The following TLR10 variants were observed in gnomAD, a reference collection of about 807,000 sequenced individuals.
The protein encoded by TLR10 is toll-like receptor 10.
For synonymous variants in TLR10, 288 were observed against 338.8 expected, an observed-to-expected ratio of 0.85 and a Z score of 1.65; for missense variants, 929 against 932.9, an observed-to-expected ratio of 1.00 and a Z score of 0.05.
chr4:38,776,605 T>G (rs1222696546), intron 1 of TLR10, among the ~76,000 whole-genome samples, 179 bp from the exon 2 acceptor site: 1 of 152,212 alleles, frequency 6.6e-6, no homozygotes, highest in East Asian at 1.9e-4. Flanking sequence ...CTTTGGGAGA[T>G]GTGCCAGGCT....
rs1273945897 is a variant in TLR10 at position 38,773,165 on chromosome 4, T to C, written c.2426A>G (p.Asp809Gly). 14 of 1,527,702 alleles carry C rather than the reference T, an allele frequency of 9.2e-6. No individual in the cohort carries two copies. Among genetic ancestry groups the C allele is most frequent in the Middle Eastern group, 1.8e-4 (1 of 5,666 alleles). The allele number at this position is 1,527,702 out of a possible 1,614,324, so 94.6% of individuals were successfully genotyped here. A position where few individuals can be genotyped will look rare whatever the true frequency, so the allele number is the denominator to read the frequency against. The change falls in exon 4 of 4, where the codon GAT becomes GGT. Residue 809 changes from aspartate to glycine, a missense_variant. Physicochemically the swap from Asp to Gly is moderately conservative, Grantham distance 94 (BLOSUM62 -1). Coordinates refer to ENST00000308973, the MANE Select transcript of TLR10 (RefSeq NM_030956.4). ...RGSTISLMRT[D>G]CL ...AAGGACTGTGGGATTTTATAGACAATCTGTTCTCATCAGAGAGATTGTAGA... is the reference window on the plus strand; with the variant it reads ...AAGGACTGTGGGATTTTATAGACAACCTGTTCTCATCAGAGAGATTGTAGA...
In TLR10 at chr4:38,773,211, A is replaced by G; in HGVS notation, c.2380T>C (p.Leu794=). 6.3e-7 allele frequency: 1 copy of G among 1,575,368 alleles called. No homozygotes were observed. Among genetic ancestry groups the G allele is most frequent in the Non-Finnish European group, 8.6e-7 (1 of 1,165,130 alleles). The change falls in exon 4 of 4, where the codon TTA becomes CTA. Residue 794 remains leucine, a synonymous_variant. Coordinates refer to ENST00000308973, the MANE Select transcript of TLR10 (RefSeq NM_030956.4). ...GTAGAACCTCGAGACTCTTCATTTAACTCTGTGAATGTCTGCAGTTCATAC... is the reference window on the plus strand; with the variant it reads ...GTAGAACCTCGAGACTCTTCATTTAGCTCTGTGAATGTCTGCAGTTCATAC... ...EMYELQTFTE[L]NEESRGSTIS... is the part of the protein sequence containing the mutation.
Position 38,774,470 on chromosome 4 carries a change from A to T in TLR10, c.1121T>A (p.Leu374Ter). The T allele has an allele frequency of 2.5e-6, 4 of 1,606,014 alleles. No homozygotes were observed. The highest frequency in any genetic ancestry group is 3.4e-6 in the Non-Finnish European group (4 of 1,177,842). ...LFKRTIQLPH[L>*]KTLILNGNKL... The stretch of plus-strand genomic sequence containing the variant: ...ATTGCCATTCAAAATGAGAGTTTTC[A>T]AGTGAGGCAGTTGGATAGTTCTTTT... The change falls in exon 4 of 4, where the codon TTG becomes TAG. Residue 374 changes from leucine to a stop codon, truncating the protein, a stop_gained. Transcript: ENST00000308973. LOFTEE classifies it low-confidence loss of function (END_TRUNC).
At position 38,774,294 on chromosome 4, in the gene TLR10, A is replaced by G. The variant is rs192294668; in HGVS notation, c.1297T>C (p.Leu433=). Reference sequence around the variant, plus strand: ...AAGCACCTGAAGACAGAATCAGACAATTTATTGTATGACAGATTCATATTG... The same window carrying G: ...AAGCACCTGAAGACAGAATCAGACAGTTTATTGTATGACAGATTCATATTG... ...VVNMNLSYNK[L]SDSVFRCLPK... is the part of the protein sequence containing the mutation. Residue 433 remains leucine (L), a synonymous_variant, in exon 4 of 4, where the codon TTG becomes CTG. Transcript: ENST00000308973. 6 of 1,613,038 alleles carry G rather than the reference A, an allele frequency of 3.7e-6. No homozygotes were observed. In the Admixed American group the frequency reaches 5.0e-5, roughly 13 times the overall value.
chr4:38,782,985 T>C lies in TLR10; in HGVS notation c.-633A>G, dbSNP rs1038801953. 6.6e-6 allele frequency: 1 copy of C among 152,204 alleles called. No individual in the cohort carries two copies. Among genetic ancestry groups the C allele is most frequent in the Non-Finnish European group, 1.5e-5 (1 of 68,042 alleles). 9.4% of individuals were successfully genotyped at this position (152,204 alleles called of 1,614,324 possible). A position where few individuals can be genotyped will look rare whatever the true frequency, so the allele number is the denominator to read the frequency against. On this transcript the variant is annotated 5_prime_UTR_variant, in exon 1 of 4. Transcript: ENST00000308973. ...GGATGATTCGTTGACACGGTCAGAA[T>C]TGGCTGCAGGAGGGAATTGAATCGA...
chr4:38,781,453 G>A (rs1405909804), intron 1 of TLR10, among the ~76,000 whole-genome samples: 1 of 151,988 alleles, frequency 6.6e-6, no homozygotes. Flanking sequence ...TCCTGCCGCA[G>A]CCTCCTGAGT....
intron 1 of TLR10, among the ~76,000 whole-genome samples, chr4:38,777,401 A>G (rs1725123467): frequency 6.6e-6 from 1 of 152,182 alleles, no homozygotes; most frequent in African/African-American, 2.4e-5. Flanking sequence ...AAGAGGTCGG[A>G]TCTTATAAGA....
Position 38,775,124 on chromosome 4 carries a change from T to A in TLR10, c.467A>T (p.Lys156Ile). The A allele has an allele frequency of 6.2e-7, 1 of 1,613,594 alleles. No individual in the cohort carries two copies. The highest frequency in any genetic ancestry group is 8.5e-7 in the Non-Finnish European group (1 of 1,180,004). The change falls in exon 4 of 4, where the codon AAA becomes ATA. Residue 156 changes from lysine (K) to isoleucine (I), a missense_variant. Lys to Ile is a moderately radical substitution (Grantham distance 102, BLOSUM62 -3). Transcript: ENST00000308973. Reference sequence around the variant, plus strand: ...ATGAGCAATTTTCTGGAAATCTGATTTTTGTATTTTTGCCCCACTCAAACC... The same window carrying A: ...ATGAGCAATTTTCTGGAAATCTGATATTTGTATTTTTGCCCCACTCAAACC... ...ILGLSGAKIQ[K>I]SDFQKIAHLH...
Position 38,773,037 on chromosome 4 carries a change from T to C in TLR10, c.*118A>G, listed in dbSNP as rs1414402741. On this transcript the variant is annotated 3_prime_UTR_variant, in exon 4 of 4. Coordinates refer to ENST00000308973, the MANE Select transcript of TLR10 (RefSeq NM_030956.4). The stretch of plus-strand genomic sequence containing the variant: ...TTAGAAATCCTTCTAGAAACTGATA[T>C]GAAGGGAATAACCATTTTTTATTTT... 6.1e-6 allele frequency: 6 copies of C among 986,026 alleles called. No individual in the cohort carries two copies. The African/African-American group carries it at 6.7e-5, about 11-fold the overall frequency. The allele number at this position is 986,026 out of a possible 1,614,324, so 61.1% of individuals were successfully genotyped here.
rs376747590 is a variant in TLR10 at position 38,774,969 on chromosome 4, G to C, written c.622C>G (p.Arg208Gly). The change falls in exon 4 of 4, where the codon CGT (arginine) becomes GGT (glycine). Residue 208 changes from arginine (R) to glycine (G), a missense_variant. Coordinates refer to ENST00000308973, the MANE Select transcript of TLR10 (RefSeq NM_030956.4). ...PMDTNFWVLLRDGIKTSKILE... is the reference protein window; with the variant it reads ...PMDTNFWVLLGDGIKTSKILE... ...ATTTTTGAAGTCTTGATTCCATCAC[G>C]CAAAAGAACCCAGAAATTTGTGTCC... is the stretch of plus-strand genomic sequence containing the variant. 6.2e-7 allele frequency: 1 copy of C among 1,613,210 alleles called. No homozygotes were observed. The highest frequency in any genetic ancestry group is 1.3e-5 in the African/African-American group (1 of 74,968).
At chr4:38,777,617 C>A (rs1281374652) in intron 1 of TLR10, among the ~76,000 whole-genome samples, 1 of 152,086 alleles carries the variant, frequency 6.6e-6, no homozygotes, top group Non-Finnish European at 1.5e-5. Context: ...AAAAAAACAA[C>A]CCCATCAAAA....
chr4:38,782,033 G>C (rs894112937), intron 1 of TLR10, among the ~76,000 whole-genome samples: 3 of 152,138 alleles, frequency 2.0e-5, no homozygotes, highest in African/African-American at 7.2e-5. Context: ...CTTCTGGATG[G>C]TAACTAAACC....
intron 1 of TLR10, 69 bp downstream of exon 1, chr4:38,782,852 T>C (rs1189570478): frequency 1.3e-5 from 2 of 152,220 alleles, no homozygotes; most frequent in Admixed American, 6.5e-5. Flanking sequence ...ATCTCCTTTT[T>C]AGAAAATACC....
intron 1 of TLR10, among the ~76,000 whole-genome samples, chr4:38,781,776 A>G (rs1725428383): frequency 6.6e-6 from 1 of 152,238 alleles, no homozygotes; most frequent in African/African-American, 2.4e-5. Context: ...TTAAGAACCT[A>G]TTGAATGTTG....
Position 38,773,351 on chromosome 4 carries a change from G to A in TLR10, c.2240C>T (p.Ala747Val). 1.2e-6 allele frequency: 2 copies of A among 1,613,558 alleles called. No individual in the cohort carries two copies. Among genetic ancestry groups the A allele is most frequent in the African/African-American group, 1.3e-5 (1 of 74,930 alleles). The change falls in exon 4 of 4, where the codon GCT (alanine) becomes GTT (valine). Residue 747 changes from alanine (A) to valine (V), a missense_variant. Transcript: ENST00000308973. ...CAAGTATGCTTTTTTTTCCAGGAGA[G>A]CTTTCAGTTTATGATACCTGGTGGG... ...CIPTRYHKLK[A>V]LLEKKAYLEW...
chr4:38,782,274 A>G (rs894365276), intron 1 of TLR10, among the ~76,000 whole-genome samples: 7 of 152,226 alleles, frequency 4.6e-5, no homozygotes, highest in African/African-American at 1.7e-4. Flanking sequence ...ATATATTCTT[A>G]GGAAAGTTAT....
chr4:38,781,647 T>A (rs1425765421), intron 1 of TLR10, among the ~76,000 whole-genome samples: 1 of 152,178 alleles, frequency 6.6e-6, no homozygotes, highest in Non-Finnish European at 1.5e-5. Flanking sequence ...ATCTTTAATA[T>A]CTTATAATTT....
chr4:38,776,158 C>T lies in TLR10; in HGVS notation c.-300G>A, dbSNP rs1725044433. ...AGGAAACAAATAGAATTATTCCTGT[C>T]CTTCTGCCTCTATATGTCTTCAGGT... On this transcript the variant is annotated 5_prime_UTR_variant, in exon 2 of 4. Coordinates refer to ENST00000308973, the MANE Select transcript of TLR10 (RefSeq NM_030956.4). 1 of 157,944 alleles carries T rather than the reference C, an allele frequency of 6.3e-6. No homozygotes were observed. Among genetic ancestry groups the T allele is most frequent in the South Asian group, 1.9e-4 (1 of 5,272 alleles). The allele number at this position is 157,944 out of a possible 1,614,324, so 9.8% of individuals were successfully genotyped here. A position where few individuals can be genotyped will look rare whatever the true frequency, so the allele number is the denominator to read the frequency against.
Position 38,774,288 on chromosome 4 carries a change from C to G in TLR10, c.1303G>C (p.Asp435His). 6.2e-7 allele frequency: 1 copy of G among 1,613,204 alleles called. No homozygotes were observed. Residue 435 changes from aspartate (D) to histidine (H), a missense_variant, in exon 4 of 4, where the codon GAT (aspartate) becomes CAT (histidine). Coordinates refer to ENST00000308973, the MANE Select transcript of TLR10 (RefSeq NM_030956.4). ...TTGGGCAAGCACCTGAAGACAGAAT[C>G]AGACAATTTATTGTATGACAGATTC... is the stretch of plus-strand genomic sequence containing the variant. ...NMNLSYNKLSDSVFRCLPKSI... is the reference protein window; with the variant it reads ...NMNLSYNKLSHSVFRCLPKSI...
Sources: allele counts gnomAD v4.1 joint callset (sites outside exome capture counted in the v4.1 genomes callset), GRCh38; gene constraint gnomAD v4.1.1; transcripts MANE v1.5; gene names NCBI Gene and HGNC (gene_info 2026-07-23, HGNC 2026-07-21).